The following MARCHF1 variants were observed in gnomAD, a reference collection of about 807,000 sequenced individuals.
The protein encoded by MARCHF1 is membrane associated ring-CH-type finger 1, also known as E3 ubiquitin-protein ligase MARCHF1.
A neutral mutation model predicts 54.2 loss-of-function variants in MARCHF1; 40 were observed. That is an observed-to-expected ratio of 0.74 (90% confidence interval 0.57 to 0.96). MARCHF1 has a LOEUF of 0.96. Among genes scored for constraint, MARCHF1 ranks in the 40% least tolerant of loss-of-function variants. The probability of loss-of-function intolerance (pLI) is 0.00; values close to 1 mark genes in which losing one functional copy is unlikely to be tolerated. For missense variants in MARCHF1, 586 were observed against 656.5 expected, an observed-to-expected ratio of 0.89 and a Z score of 1.17; for synonymous variants, 236 against 236.3, an observed-to-expected ratio of 1.00 and a Z score of 0.01.
chr4:163,999,430 A>C (rs1168284348), intron 2 of MARCHF1, among the ~76,000 whole-genome samples: 2 of 151,618 alleles, frequency 1.3e-5, no homozygotes, highest in African/African-American at 4.8e-5. Context: ...ACAATTGAGT[A>C]TATTTCTTGA....
chr4:163,653,539 T>C (rs1743041196), intron 5 of MARCHF1, among the ~76,000 whole-genome samples: 1 of 151,664 alleles, frequency 6.6e-6, no homozygotes, highest in African/African-American at 2.4e-5. Flanking sequence ...GAGCTGTGTG[T>C]AGGGTGATAG....
Position 163,589,704 on chromosome 4 carries a change from G to A in MARCHF1, c.1011-3775C>T, listed in dbSNP as rs376900878. ...AAAACATAAATATGCCTTTCCAGCC[G>A]AATAATTGTGTAGAGAAATTGATTT... is the stretch of plus-strand genomic sequence containing the variant. On this transcript the variant is annotated intron_variant, in intron 7 of 9. Coordinates refer to ENST00000514618, the MANE Select transcript of MARCHF1 (RefSeq NM_001394959.1). Among the ~76,000 whole-genome samples the A allele has an allele frequency of 1.3e-3, 204 of 152,114 alleles. 4 individuals carry two copies. The South Asian group carries it at 0.04, about 30-fold the overall frequency.
intron 3 of MARCHF1, among the ~76,000 whole-genome samples, chr4:163,962,655 C>G (rs1231990463): frequency 1.3e-5 from 2 of 151,768 alleles, no homozygotes; most frequent in African/African-American, 2.4e-5. Context: ...AAAATGGAAG[C>G]TTTTCTATTC....
At chr4:164,230,423 T>C (rs1732384653) in intron 1 of MARCHF1, among the ~76,000 whole-genome samples, 2 of 151,826 alleles carry the variant, frequency 1.3e-5, no homozygotes, top group South Asian at 4.2e-4. Flanking sequence ...ATAAAATAGT[T>C]ATATATATTT....
chr4:163,872,440 G>T (rs942952613), intron 3 of MARCHF1, among the ~76,000 whole-genome samples: 5 of 152,196 alleles, frequency 3.3e-5, no homozygotes, highest in African/African-American at 1.2e-4. Flanking sequence ...AGCAAAGAAT[G>T]GTCTCATGTG....
chr4:163,573,280 T>C (rs1739900585), intron 8 of MARCHF1, among the ~76,000 whole-genome samples: 1 of 143,692 alleles, frequency 7.0e-6, no homozygotes, highest in African/African-American at 2.6e-5. Flanking sequence ...CCTTTCCTAT[T>C]TGGATGCTTT....
intron 3 of MARCHF1, among the ~76,000 whole-genome samples, chr4:163,937,062 G>T (rs575124180): frequency 1.3e-5 from 2 of 152,078 alleles, no homozygotes; most frequent in East Asian, 1.9e-4. Context: ...AAACTCTCAC[G>T]TATTCATCTC....
At chr4:164,257,331 T>C (rs994297002) in intron 1 of MARCHF1, among the ~76,000 whole-genome samples, 15 of 152,066 alleles carry the variant, frequency 9.9e-5, no homozygotes, top group Admixed American at 9.8e-4. Context: ...TTTTCTTGTT[T>C]CTCTTATGAA....
chr4:164,321,937 C>A (rs1735152632), intron 1 of MARCHF1, among the ~76,000 whole-genome samples: 1 of 151,990 alleles, frequency 6.6e-6, no homozygotes, highest in Non-Finnish European at 1.5e-5. Context: ...ATGCTTTAAG[C>A]ATTTTTCATT....
chr4:164,047,643 C>T (rs10004272), intron 2 of MARCHF1, among the ~76,000 whole-genome samples: 36,275 of 151,968 alleles, frequency 0.24, 6,066 homozygotes, highest in East Asian at 0.48. Context: ...AACATACATA[C>T]GTTCTTTCAC....
At chr4:164,107,179 T>C (rs990134291) in intron 2 of MARCHF1, among the ~76,000 whole-genome samples, 1 of 152,194 alleles carries the variant, frequency 6.6e-6, no homozygotes, top group African/African-American at 2.4e-5. Flanking sequence ...TATCTAATTT[T>C]GTACTTCCCT....
At chr4:163,789,239 G>T (rs1430613016) in intron 4 of MARCHF1, among the ~76,000 whole-genome samples, 3 of 151,898 alleles carry the variant, frequency 2.0e-5, no homozygotes, top group Non-Finnish European at 2.9e-5. Context: ...CTGCAGGATA[G>T]AAATACAAGC....
Position 163,722,692 on chromosome 4 carries a change from C to T in MARCHF1, c.112-21829G>A, listed in dbSNP as rs186813004. Reference sequence around the variant, plus strand: ...CTCTTTGTAGATCTCTAAGGACTTGCTTTATGAATCTGGGTGCTCCTGTAT... The same window carrying T: ...CTCTTTGTAGATCTCTAAGGACTTGTTTTATGAATCTGGGTGCTCCTGTAT... On this transcript the variant is annotated intron_variant, in intron 4 of 9. Coordinates refer to ENST00000514618, the MANE Select transcript of MARCHF1 (RefSeq NM_001394959.1). 1.0e-3 allele frequency among the ~76,000 whole-genome samples: 155 copies of T among 152,026 alleles called. 2 individuals are homozygous for T. Among genetic ancestry groups the T allele is most frequent in the South Asian group, 6.2e-3 (30 of 4,802 alleles).
intron 2 of MARCHF1, among the ~76,000 whole-genome samples, chr4:164,095,765 T>C (rs995493455): frequency 2.6e-5 from 4 of 151,992 alleles, no homozygotes; most frequent in African/African-American, 9.7e-5. Context: ...CTCAAGGACA[T>C]GAACAGACAC....
intron 5 of MARCHF1, among the ~76,000 whole-genome samples, chr4:163,691,973 AGACT>A (rs1744471638): frequency 6.6e-6 from 1 of 152,138 alleles, no homozygotes; most frequent in African/African-American, 2.4e-5. Flanking sequence ...AGAGATGGGG[AGACT>A]GACTGCTTTT....
intron 2 of MARCHF1, among the ~76,000 whole-genome samples, chr4:164,036,096 C>T (rs1257804937): frequency 7.8e-6 from 1 of 128,838 alleles, no homozygotes; most frequent in African/African-American, 3.1e-5. Flanking sequence ...CAGTGAGATT[C>T]TGTCTCAAAA....
chr4:163,865,893 AG>A (rs1320716149), intron 3 of MARCHF1, among the ~76,000 whole-genome samples: 3 of 151,742 alleles, frequency 2.0e-5, no homozygotes, highest in Admixed American at 6.6e-5. Context: ...GATTAAAAAA[AG>A]TCATCTACAA....
chr4:164,269,256 ACT>A (rs978602488), intron 1 of MARCHF1, among the ~76,000 whole-genome samples: 6 of 151,984 alleles, frequency 3.9e-5, no homozygotes, highest in African/African-American at 9.7e-5. Flanking sequence ...CACCCAGCAC[ACT>A]CTGTTTGTCC....
chr4:164,381,081 T>C (rs1004741946), intron 1 of MARCHF1, among the ~76,000 whole-genome samples: 1 of 152,214 alleles, frequency 6.6e-6, no homozygotes, highest in Non-Finnish European at 1.5e-5. Flanking sequence ...TTTCCATGGA[T>C]ACTTCCCAGT....
Sources: gnomAD v4.1 joint callset for allele counts (sites outside exome capture counted in the v4.1 genomes callset) on GRCh38, gnomAD v4.1.1 for gene constraint, MANE v1.5 for transcripts, NCBI Gene and HGNC (gene_info 2026-07-23, HGNC 2026-07-21) for gene names.